Variants in MBD2 observed in about 807,000 individuals in gnomAD.
The protein encoded by MBD2 is methyl-CpG binding domain protein 2, also known as methyl-CpG-binding domain protein 2.
A neutral mutation model predicts 39.3 loss-of-function variants in MBD2; 9 were observed. The observed-to-expected ratio is 0.23, with a 90% CI of 0.14 to 0.40. The LOEUF is 0.40. Among genes scored for constraint, MBD2 ranks in the 10% least tolerant of loss-of-function variants. MBD2 has a pLI of 1.00. For missense variants in MBD2, 458 were observed against 532.6 expected (o/e 0.86, Z 1.38); for synonymous variants, 233 against 211.1 (o/e 1.10, Z -0.90).
chr18:54,164,839 A>C (rs1188674242), intron 4 of MBD2, 139 bp from the exon 5 acceptor site: 4 of 598,744 alleles, frequency 6.7e-6, no homozygotes, highest in African/African-American at 1.8e-5. Context: ...GCAGCAAAAG[A>C]TAATATATCT....
At chr18:54,156,811 C>A (rs1389768369) in intron 6 of MBD2, among the ~76,000 whole-genome samples, 2 of 152,000 alleles carry the variant, frequency 1.3e-5, no homozygotes, top group Admixed American at 6.6e-5. Context: ...TGAGATTGCA[C>A]CCCTGTACTC....
At chr18:54,197,672 C>A (rs1405336386) in intron 2 of MBD2, among the ~76,000 whole-genome samples, 1 of 152,128 alleles carries the variant, frequency 6.6e-6, no homozygotes, top group African/African-American at 2.4e-5. Context: ...TCAGCAAAAC[C>A]AGTCAATCCT....
chr18:54,187,385 A>G (rs978023634), intron 3 of MBD2, among the ~76,000 whole-genome samples: 2 of 152,246 alleles, frequency 1.3e-5, no homozygotes, highest in Admixed American at 1.3e-4. Flanking sequence ...TTCTCAATTA[A>G]TAAATATATT....
rs370770822 is a variant in MBD2, at chr18:54,167,384, T to C, written c.841-1218A>G. ...ACGACCTTGGACAAGGTCTATAACC[T>C]CTTCAGAATCTTCAATTTATTTTCT... is the stretch of plus-strand genomic sequence containing the variant. On this transcript the variant is annotated intron_variant, in intron 3 of 6. Transcript: ENST00000256429. Among the ~76,000 whole-genome samples the C allele has an allele frequency of 5.9e-5, 9 of 152,290 alleles. No homozygotes were observed. The East Asian group carries it at 1.7e-3, about 29-fold the overall frequency.
rs545594573 is a variant in MBD2, at chr18:54,185,671, A to C, written c.840+3203T>G. 7.7e-4 allele frequency among the ~76,000 whole-genome samples: 117 copies of C among 152,276 alleles called. 1 individual carries two copies. The South Asian group carries it at 0.02, about 26-fold the overall frequency. On this transcript the variant is annotated intron_variant, in intron 3 of 6. Transcript: ENST00000256429. Reference sequence around the variant, plus strand: ...GTTTTATGCATCTAGCTGAATAAGGATATTTCAGTGATTACTGTTTGGGAT... The same window carrying C: ...GTTTTATGCATCTAGCTGAATAAGGCTATTTCAGTGATTACTGTTTGGGAT...
chr18:54,159,004 G>A (rs1426367783), intron 6 of MBD2, among the ~76,000 whole-genome samples: 2 of 152,122 alleles, frequency 1.3e-5, no homozygotes, highest in African/African-American at 4.8e-5. Flanking sequence ...CATCAAATCT[G>A]TGCTAGGGAG....
intron 5 of MBD2, among the ~76,000 whole-genome samples, chr18:54,162,967 T>A (rs565715687): frequency 1.3e-3 from 196 of 152,218 alleles, no homozygotes; most frequent in African/African-American, 4.4e-3. Flanking sequence ...TGGATTTTTT[T>A]AAAAAATACA....
At chr18:54,196,153 T>C (rs2086364808) in intron 2 of MBD2, among the ~76,000 whole-genome samples, 1 of 152,218 alleles carries the variant, frequency 6.6e-6, no homozygotes, top group South Asian at 2.1e-4. Context: ...CATAGGTTTT[T>C]ACAAAAAGTA....
At chr18:54,210,798 T>C (rs1298223793) in intron 1 of MBD2, among the ~76,000 whole-genome samples, 1 of 151,260 alleles carries the variant, frequency 6.6e-6, no homozygotes, top group African/African-American at 2.4e-5. Context: ...AATAAAAATC[T>C]CCACACTAAA....
At chr18:54,196,700 T>C (rs2144320198) in intron 2 of MBD2, among the ~76,000 whole-genome samples, 1 of 152,318 alleles carries the variant, frequency 6.6e-6, no homozygotes, top group East Asian at 1.9e-4. Flanking sequence ...AGCCATATCA[T>C]GGACAACTCT....
At chr18:54,221,474 T>C (rs1162223700) in intron 1 of MBD2, among the ~76,000 whole-genome samples, 1 of 103,550 alleles carries the variant, frequency 9.7e-6, no homozygotes, top group African/African-American at 3.8e-5. Flanking sequence ...AAAAAAAAAT[T>C]ATTAAGTTTG....
chr18:54,171,664 T>C (rs1199883089), intron 3 of MBD2, among the ~76,000 whole-genome samples: 1 of 152,212 alleles, frequency 6.6e-6, no homozygotes, highest in African/African-American at 2.4e-5. Context: ...AGTGAAACTA[T>C]GCCCAGTCAT....
Position 54,205,273 on chromosome 18 carries a change from A to C in MBD2, c.543-116T>G, listed in dbSNP as rs1025014978. 7 of 992,800 alleles carry C rather than the reference A, an allele frequency of 7.1e-6. No homozygotes were observed. The Admixed American group carries it at 2.0e-4, about 28-fold the overall frequency. 61.5% of individuals were successfully genotyped at this position (992,800 alleles called of 1,614,324 possible). On this transcript the variant is annotated intron_variant, in intron 1 of 6. Coordinates refer to ENST00000256429, the MANE Select transcript of MBD2 (RefSeq NM_003927.5). Reference sequence around the variant, plus strand: ...CCCATTCTAATTTTACATATTTTTAAAGAAATGTTAAAGTTTTGCTAGGCG... The same window carrying C: ...CCCATTCTAATTTTACATATTTTTACAGAAATGTTAAAGTTTTGCTAGGCG...
intron 1 of MBD2, among the ~76,000 whole-genome samples, chr18:54,214,046 C>G (rs1045054064): frequency 6.9e-6 from 1 of 144,248 alleles, no homozygotes; most frequent in African/African-American, 2.6e-5. Context: ...CCTGATAAAA[C>G]AGTAGTTCTC....
At chr18:54,172,636 TA>T (rs1000655554) in intron 3 of MBD2, among the ~76,000 whole-genome samples, 43 of 148,568 alleles carry the variant, frequency 2.9e-4, no homozygotes, top group Non-Finnish European at 2.7e-4. Flanking sequence ...TCTGTTGTGT[TA>T]AAAAAAAAAA....
chr18:54,160,146 G>C (rs566973504), intron 5 of MBD2: 37 of 419,442 alleles, frequency 8.8e-5, no homozygotes, highest in African/African-American at 6.5e-4. Context: ...AGAAAGAGCA[G>C]ATTGACGTCA....
intron 1 of MBD2, among the ~76,000 whole-genome samples, chr18:54,212,798 G>A (rs1183756772): frequency 6.6e-6 from 1 of 152,024 alleles, no homozygotes; most frequent in African/African-American, 2.4e-5. Flanking sequence ...GGGAAGCCGA[G>A]GCGGACAGAT....
At position 54,188,912 on chromosome 18, in the gene MBD2, T is replaced by C; in HGVS notation, c.802A>G (p.Lys268Glu). The C allele has an allele frequency of 6.2e-7, 1 of 1,609,876 alleles. No homozygotes were observed. Among genetic ancestry groups the C allele is most frequent in the Non-Finnish European group, 8.5e-7 (1 of 1,177,294 alleles). The change falls in exon 3 of 7, where the codon AAA becomes GAA. Residue 268 changes from lysine (K) to glutamate (E), a missense_variant. Physicochemically the swap from Lys to Glu is moderately conservative, Grantham distance 56. Around this residue, in one of 2 missense-constraint regions of MBD2, gnomAD observed 189 missense variants for 296.6 expected, o/e 0.64. Coordinates refer to ENST00000256429, the MANE Select transcript of MBD2 (RefSeq NM_003927.5). ...KVTNHPSNKV[K>E]SDPQRMNEQP... Reference sequence around the variant, plus strand: ...TCATTCATTCGTTGTGGGTCTGATTTCACTTTATTACTAGGATGATTTGTG... The same window carrying C: ...TCATTCATTCGTTGTGGGTCTGATTCCACTTTATTACTAGGATGATTTGTG...
intron 3 of MBD2, chr18:54,187,674 T>C: frequency 3.0e-6 from 3 of 985,794 alleles, no homozygotes; most frequent in Non-Finnish European, 3.6e-6. Flanking sequence ...TAAAGGCACA[T>C]GCAGGTACGC....
Sources: allele counts gnomAD v4.1 joint callset (sites outside exome capture counted in the v4.1 genomes callset), GRCh38; gene constraint gnomAD v4.1.1; regional missense constraint gnomAD v4.1.1; transcripts MANE v1.5; gene names NCBI Gene and HGNC (gene_info 2026-07-23, HGNC 2026-07-21).